The following SFI1 variants were observed in gnomAD, a reference collection of about 807,000 sequenced individuals.
The protein encoded by SFI1 is SFI1 centrin binding protein.
SFI1 carries 195 observed loss-of-function variants against 207.5 expected under a neutral mutation model. The ratio of observed to expected loss-of-function variants is 0.94; its 90% CI spans 0.84 to 1.06. The LOEUF is 1.06. SFI1 is among the 50% of genes least tolerant of loss of function. SFI1 has a pLI of 0.00. For missense variants in SFI1, 1,634 were observed against 1,588.0 expected (o/e 1.03, Z -0.49); for synonymous variants, 630 against 598.9 (o/e 1.05, Z -0.76).
chr22:31,553,000 C>T (rs1358952299), intron 6 of SFI1, among the ~76,000 whole-genome samples: 1 of 152,034 alleles, frequency 6.6e-6, no homozygotes, highest in Admixed American at 6.6e-5. Flanking sequence ...TGTGCTACCA[C>T]ACCTGGCTAA....
intron 4 of SFI1, among the ~76,000 whole-genome samples, chr22:31,540,405 C>G (rs991044231): frequency 6.6e-6 from 1 of 151,804 alleles, no homozygotes; most frequent in African/African-American, 2.4e-5. Flanking sequence ...CCTCAGCCTC[C>G]TGAGTAGCTG....
chr22:31,549,288 TAAAAAAAAAAAAA>T (rs59382278), intron 5 of SFI1, among the ~76,000 whole-genome samples: 2 of 37,222 alleles, frequency 5.4e-5, no homozygotes, highest in Non-Finnish European at 9.5e-5. Flanking sequence ...AGACCCTGTG[TAAAAAAAAAAAAA>T]AAAAAAAAAA....
chr22:31,617,918 C>T (rs1487251600), intron 31 of SFI1, among the ~76,000 whole-genome samples, 197 bp from the exon 32 acceptor site: 8 of 151,984 alleles, frequency 5.3e-5, no homozygotes, highest in Admixed American at 2.6e-4. Flanking sequence ...CTGGGGAGGG[C>T]GGAGGAGACT....
rs187577383 is a variant in SFI1 at position 31,539,687 on chromosome 22, A to G, written c.339-7174A>G. On this transcript the variant is annotated intron_variant, in intron 4 of 32. Coordinates refer to ENST00000400288, the MANE Select transcript of SFI1 (RefSeq NM_001007467.3). ...AAGAGATTCTTTATTGTCTGTTTAT[A>G]TTTAAGAGCAGGACCCTAAAAAGCT... Among the ~76,000 whole-genome samples the G allele has an allele frequency of 7.0e-4, 106 of 151,248 alleles. 1 individual carries two copies. Among genetic ancestry groups the G allele is most frequent in the Admixed American group, 5.3e-4 (8 of 15,190 alleles).
At chr22:31,543,293 G>A (rs538504847) in intron 4 of SFI1, among the ~76,000 whole-genome samples, 60 of 152,146 alleles carry the variant, frequency 3.9e-4, no homozygotes, top group African/African-American at 1.4e-3. Context: ...TACATACCAC[G>A]CAGTGACTTT....
chr22:31,603,895 C>CA (rs1324582823), intron 18 of SFI1, 76 bp downstream of exon 18: 7 of 1,346,826 alleles, frequency 5.2e-6, no homozygotes, highest in Admixed American at 2.7e-5. Flanking sequence ...GACTCACAGG[C>CA]AACATATGGG....
chr22:31,523,364 T>A (rs769785115), intron 2 of SFI1, among the ~76,000 whole-genome samples: 33 of 152,230 alleles, frequency 2.2e-4, no homozygotes, highest in Non-Finnish European at 1.6e-4. Flanking sequence ...AAACTGATGA[T>A]GTTATGTTTT....
At chr22:31,517,744 T>C (rs1350717783) in intron 2 of SFI1, among the ~76,000 whole-genome samples, 1 of 152,190 alleles carries the variant, frequency 6.6e-6, no homozygotes, top group Non-Finnish European at 1.5e-5. Context: ...ATTACTCAAG[T>C]GTCCATTAAG....
At chr22:31,535,312 C>T (rs1473704382) in intron 4 of SFI1, among the ~76,000 whole-genome samples, 1 of 150,300 alleles carries the variant, frequency 6.7e-6, no homozygotes, top group African/African-American at 2.5e-5. Context: ...GCCTAAGCCT[C>T]CCAAATAGCT....
intron 4 of SFI1, among the ~76,000 whole-genome samples, chr22:31,537,713 T>TC (rs2059123743): frequency 6.6e-6 from 1 of 152,218 alleles, no homozygotes; most frequent in South Asian, 2.1e-4. Flanking sequence ...ATACTGTGTT[T>TC]CCATTGACTT....
At chr22:31,519,005 T>C (rs921077145) in intron 2 of SFI1, among the ~76,000 whole-genome samples, 1 of 152,208 alleles carries the variant, frequency 6.6e-6, no homozygotes, top group African/African-American at 2.4e-5. Flanking sequence ...TTCCAGACTA[T>C]GCCCTGTGCC....
At chr22:31,535,314 C>T (rs1446236304) in intron 4 of SFI1, among the ~76,000 whole-genome samples, 1 of 149,400 alleles carries the variant, frequency 6.7e-6, no homozygotes, top group Non-Finnish European at 1.5e-5. Context: ...CTAAGCCTCC[C>T]AAATAGCTGG....
At chr22:31,578,513 G>T in intron 11 of SFI1, 61 bp downstream of exon 11, 1 of 1,513,434 alleles carries the variant, frequency 6.6e-7, no homozygotes, top group South Asian at 1.2e-5. Context: ...ATCCACTCTT[G>T]GGGGACCCTG....
intron 1 of SFI1, among the ~76,000 whole-genome samples, chr22:31,505,833 G>C (rs1490985266): frequency 1.3e-5 from 2 of 152,076 alleles, no homozygotes; most frequent in Non-Finnish European, 2.9e-5. Flanking sequence ...GCAGTGAGCC[G>C]TGATGGTGCC....
chr22:31,592,820 C>G (rs1603265954), intron 15 of SFI1, among the ~76,000 whole-genome samples: 3 of 137,364 alleles, frequency 2.2e-5, no homozygotes, highest in Admixed American at 6.8e-5. Flanking sequence ...GACCCCCCCA[C>G]CTCCCTCCCG....
chr22:31,614,542 G>A (rs1603366447), intron 27 of SFI1: 2 of 679,288 alleles, frequency 2.9e-6, no homozygotes, highest in East Asian at 2.8e-5. Flanking sequence ...CTGTACACCA[G>A]CGTCACCAGG....
intron 1 of SFI1, among the ~76,000 whole-genome samples, chr22:31,504,258 A>G (rs2054279006): frequency 1.3e-5 from 2 of 152,292 alleles, no homozygotes; most frequent in South Asian, 4.1e-4. Flanking sequence ...AAAAATCACT[A>G]TTTGAATACT....
intron 4 of SFI1, among the ~76,000 whole-genome samples, chr22:31,532,710 A>G (rs2058640154): frequency 6.6e-6 from 1 of 152,080 alleles, no homozygotes; most frequent in African/African-American, 2.4e-5. Context: ...TTTACAGTGA[A>G]GCTCCTGATG....
chr22:31,607,159 G>A (rs2069170612), intron 21 of SFI1, among the ~76,000 whole-genome samples: 1 of 152,212 alleles, frequency 6.6e-6, no homozygotes, highest in Non-Finnish European at 1.5e-5. Flanking sequence ...TTCAGAGCTT[G>A]AAGAGGAGGC....
Sources: allele counts gnomAD v4.1 joint callset (sites outside exome capture counted in the v4.1 genomes callset), GRCh38; gene constraint gnomAD v4.1.1; transcripts MANE v1.5; gene names NCBI Gene and HGNC (gene_info 2026-07-23, HGNC 2026-07-21).